The following EIF5B variants were observed in gnomAD, a reference collection of about 807,000 sequenced individuals.
EIF5B encodes eIF-5B.
EIF5B carries 47 observed loss-of-function variants against 147.5 expected under a neutral mutation model. The ratio of observed to expected loss-of-function variants is 0.32; its 90% CI spans 0.25 to 0.41. The LOEUF (loss-of-function observed/expected upper bound fraction) is 0.41, where lower values mean the gene tolerates loss of function less well. Ranked by LOEUF, EIF5B falls within the 10% of genes least tolerant of loss-of-function variation. EIF5B has a pLI of 1.00. For synonymous variants in EIF5B, 455 were observed against 456.2 expected (o/e 1.00, Z 0.03); for missense variants, 1,064 against 1,413.2 (o/e 0.75, Z 3.96).
At chr2:99,382,442 A>T (rs1385583934) in intron 13 of EIF5B, among the ~76,000 whole-genome samples, 1 of 152,214 alleles carries the variant, frequency 6.6e-6, no homozygotes, top group Non-Finnish European at 1.5e-5. Flanking sequence ...TTAATGTGGA[A>T]TGCAGAAAAC....
chr2:99,338,984 A>G (rs1454884570), intron 1 of EIF5B, among the ~76,000 whole-genome samples: 1 of 131,236 alleles, frequency 7.6e-6, no homozygotes, highest in African/African-American at 2.6e-5. Flanking sequence ...ATATACAAAT[A>G]TATACACAAA....
rs115163465 is a variant in EIF5B at position 99,351,467 on chromosome 2, A to G, written c.36-8769A>G. ...ATGTATTTTCATTTCTCTTAGGTAA[A>G]TACCTAGGAGTGGGATTAGGAGTGG... On this transcript the variant is annotated intron_variant, in intron 1 of 23. Transcript: ENST00000289371. 6.6e-3 allele frequency among the ~76,000 whole-genome samples: 1,001 copies of G among 152,244 alleles called. 5 individuals are homozygous for G. Among genetic ancestry groups the G allele is most frequent in the Non-Finnish European group, 0.011 (720 of 68,022 alleles).
chr2:99,396,963 T>C lies in EIF5B; in HGVS notation c.3393+65T>C, dbSNP rs879203482. The C allele has an allele frequency of 2.5e-5, 38 of 1,530,700 alleles. 1 individual carries two copies. The highest frequency in any genetic ancestry group is 1.8e-4 in the Middle Eastern group (1 of 5,688). The allele number at this position is 1,530,700 out of a possible 1,614,324, so 94.8% of individuals were successfully genotyped here. On this transcript the variant is annotated intron_variant, in intron 22 of 23. Coordinates refer to ENST00000289371, the MANE Select transcript of EIF5B (RefSeq NM_015904.4). ...GCACTAAATGAGTGTCCAAGAGTCG[T>C]ACCAACACAGCTTTGTGCCTGTAGT...
At chr2:99,367,075 A>G (rs1045672878) in intron 6 of EIF5B, among the ~76,000 whole-genome samples, 1 of 152,262 alleles carries the variant, frequency 6.6e-6, no homozygotes. Context: ...ATATACAATA[A>G]TACTTTCAGA....
intron 14 of EIF5B, among the ~76,000 whole-genome samples, chr2:99,388,222 T>C (rs1323755024): frequency 1.3e-5 from 2 of 152,236 alleles, no homozygotes; most frequent in African/African-American, 4.8e-5. Flanking sequence ...TGTTGTTATG[T>C]TATCTGCTTA....
At chr2:99,398,553 A>G (rs1283232330) in intron 22 of EIF5B, 195 bp from the exon 23 acceptor site, 1 of 515,370 alleles carries the variant, frequency 1.9e-6, no homozygotes, top group Non-Finnish European at 3.4e-6. Context: ...TCTTACAACC[A>G]TCATGAAGGG....
Position 99,364,294 on chromosome 2 carries a change from A to G in EIF5B, c.1161A>G (p.Arg387=), listed in dbSNP as rs749418641. The part of the protein sequence containing the change: ...KEEERLEQEK[R]ERKKQKEKER... ...AGGAACGATTGGAACAAGAAAAAAG[A>G]GAAAGGAAAAAGCAAAAAGAAAAAG... The change falls in exon 6 of 24, where the codon AGA becomes AGG. Residue 387 remains arginine, a synonymous_variant. Coordinates refer to ENST00000289371, the MANE Select transcript of EIF5B (RefSeq NM_015904.4). 62 of 1,602,218 alleles carry G rather than the reference A, an allele frequency of 3.9e-5. No individual in the cohort carries two copies. Among genetic ancestry groups the G allele is most frequent in the Admixed American group, 7.0e-5 (4 of 56,810 alleles).
intron 1 of EIF5B, among the ~76,000 whole-genome samples, chr2:99,348,326 T>C (rs960365699): frequency 5.9e-5 from 9 of 152,224 alleles, no homozygotes; most frequent in Non-Finnish European, 1.2e-4. Flanking sequence ...TTATTGATTG[T>C]AGTACTTGAG....
chr2:99,343,953 C>T (rs919400755), intron 1 of EIF5B, among the ~76,000 whole-genome samples: 2 of 151,046 alleles, frequency 1.3e-5, no homozygotes, highest in African/African-American at 4.9e-5. Context: ...GAGTCTCGCT[C>T]TGTCGCCTAG....
At chr2:99,338,008 A>C (rs189405077) in intron 1 of EIF5B, among the ~76,000 whole-genome samples, 123 of 152,242 alleles carry the variant, frequency 8.1e-4, no homozygotes, top group Middle Eastern at 6.8e-3. Flanking sequence ...CTTGAATGTG[A>C]TGTACGGCCG....
intron 1 of EIF5B, among the ~76,000 whole-genome samples, 182 bp downstream of exon 1, chr2:99,337,771 C>T (rs1033568742): frequency 6.6e-6 from 1 of 151,990 alleles, no homozygotes; most frequent in African/African-American, 2.4e-5. Context: ...CGTAGGGCCT[C>T]GACGGCGGGC....
chr2:99,352,097 T>C (rs1381475058), intron 1 of EIF5B, among the ~76,000 whole-genome samples: 1 of 152,218 alleles, frequency 6.6e-6, no homozygotes, highest in African/African-American at 2.4e-5. Flanking sequence ...TGTTCAATCA[T>C]TTTCCCATTT....
At position 99,399,134 on chromosome 2, in the gene EIF5B, C is replaced by T. The variant is rs191853143; in HGVS notation, c.3556-173C>T. 1.6e-4 allele frequency: 124 copies of T among 769,210 alleles called. No homozygotes were observed. The African/African-American group carries it at 2.1e-3, about 13-fold the overall frequency. 47.6% of individuals were successfully genotyped at this position (769,210 alleles called of 1,614,324 possible). A position where few individuals can be genotyped will look rare whatever the true frequency, so the allele number is the denominator to read the frequency against. On this transcript the variant is annotated intron_variant, in intron 23 of 23. Coordinates refer to ENST00000289371, the MANE Select transcript of EIF5B (RefSeq NM_015904.4). ...CTAGGACTTTTAGGTCCCCTCGTGC[C>T]TGACATGCAAACCAGATGTGATTTT...
chr2:99,353,002 C>CTTTT (rs1559245418), intron 1 of EIF5B, among the ~76,000 whole-genome samples: 7 of 64,226 alleles, frequency 1.1e-4, no homozygotes, highest in Non-Finnish European at 1.3e-4. Flanking sequence ...TTTTCTTCTT[C>CTTTT]TTCTTTTTTT....
At position 99,399,460 on chromosome 2, in the gene EIF5B, G is replaced by T. The variant is rs939263602; in HGVS notation, c.*46G>T. 2.6e-6 allele frequency: 4 copies of T among 1,550,576 alleles called. No individual in the cohort carries two copies. The highest frequency in any genetic ancestry group is 3.6e-6 in the Non-Finnish European group (4 of 1,125,922). On this transcript the variant is annotated 3_prime_UTR_variant, in exon 24 of 24. Transcript: ENST00000289371. ...ACTGGAGTAAATGCAATACTGTGTT[G>T]TAATATCCCAACAAAAATCAGACAA...
chr2:99,357,785 C>T (rs1468555303), intron 1 of EIF5B, among the ~76,000 whole-genome samples: 1 of 152,164 alleles, frequency 6.6e-6, no homozygotes, highest in African/African-American at 2.4e-5. Context: ...TTTGGGGATA[C>T]TCCTGGGAGA....
rs138045797 is a variant in EIF5B, at chr2:99,390,576, A to G, written c.2619A>G (p.Ile873Met). Residue 873 changes from isoleucine to methionine, a missense_variant, in exon 17 of 24, where the codon ATA becomes ATG. Coordinates refer to ENST00000289371, the MANE Select transcript of EIF5B (RefSeq NM_015904.4). Reference sequence around the variant, plus strand: ...CTCTCCCGGGGATGGGCACCACTATAGATGTCATCTTGATCAATGGGCGTT... The same window carrying G: ...CTCTCCCGGGGATGGGCACCACTATGGATGTCATCTTGATCAATGGGCGTT... Reference protein sequence around the residue: ...VKALPGMGTTIDVILINGRLK... With the variant: ...VKALPGMGTTMDVILINGRLK... 95 of 1,612,768 alleles carry G rather than the reference A, an allele frequency of 5.9e-5. No homozygotes were observed. In the East Asian group the frequency reaches 1.3e-3, roughly 22 times the overall value.
chr2:99,392,154 GTTTAT>G (rs1229011173), intron 17 of EIF5B, among the ~76,000 whole-genome samples: 9 of 151,882 alleles, frequency 5.9e-5, no homozygotes, highest in Admixed American at 2.0e-4. Flanking sequence ...AGTTTTTTAT[GTTTAT>G]TTTATTTTAT....
chr2:99,386,339 T>C (rs914812349), intron 14 of EIF5B, among the ~76,000 whole-genome samples: 4 of 152,204 alleles, frequency 2.6e-5, no homozygotes, highest in African/African-American at 9.7e-5. Context: ...TTAGATTGTT[T>C]TATTGTTGAG....
Sources: allele counts gnomAD v4.1 joint callset (sites outside exome capture counted in the v4.1 genomes callset), GRCh38; gene constraint gnomAD v4.1.1; transcripts MANE v1.5; gene names NCBI Gene and HGNC (gene_info 2026-07-23, HGNC 2026-07-21).